The following MYCBP2 variants were observed in gnomAD, a reference collection of about 807,000 sequenced individuals.
MYCBP2 encodes MYC binding protein 2.
Under a neutral mutation model 525.3 loss-of-function variants are expected in MYCBP2, and 120 were observed. The observed-to-expected ratio is 0.23, with a 90% CI of 0.20 to 0.27. The LOEUF (loss-of-function observed/expected upper bound fraction) is 0.27. MYCBP2 is among the 10% of genes least tolerant of loss of function. The pLI is 1.00. For missense variants in MYCBP2, 4,149 were observed against 5,657.1 expected (o/e 0.73, Z 8.55); for synonymous variants, 1,894 against 1,955.8 (o/e 0.97, Z 0.83).
chr13:77,298,520 A>ACGGGTCGCTCCCACTC, intron 1 of MYCBP2, among the ~76,000 whole-genome samples: 1 of 152,344 alleles, frequency 6.6e-6, no homozygotes, highest in Non-Finnish European at 1.5e-5. Flanking sequence ...ATAGTACTCA[A>ACGGGTCGCTCCCACTC]CGAGTATTTT....
chr13:77,270,858 G>A (rs1052725883), intron 5 of MYCBP2, among the ~76,000 whole-genome samples: 1 of 151,326 alleles, frequency 6.6e-6, no homozygotes, highest in African/African-American at 2.4e-5. Context: ...TGTCATTCTC[G>A]ATCCATGTTT....
chr13:77,111,436 CTTT>C (rs779969571), intron 55 of MYCBP2, among the ~76,000 whole-genome samples: 7 of 137,084 alleles, frequency 5.1e-5, no homozygotes, highest in Admixed American at 7.4e-5. Flanking sequence ...ATGTCACTTC[CTTT>C]TTTTTTTTTT....
At chr13:77,178,010 C>T in intron 34 of MYCBP2, 56 bp from the exon 35 acceptor site, 1 of 1,045,922 alleles carries the variant, frequency 9.6e-7, no homozygotes, top group Non-Finnish European at 1.5e-6. Flanking sequence ...ACAAAACCAT[C>T]CAAAGGTTTC....
intron 40 of MYCBP2, among the ~76,000 whole-genome samples, chr13:77,167,497 C>T (rs1250021431): frequency 1.3e-5 from 2 of 151,968 alleles, no homozygotes; most frequent in East Asian, 3.9e-4. Context: ...GAGAGAGAGA[C>T]AGAGGGAGAC....
At chr13:77,269,449 A>C (rs1219613946) in intron 7 of MYCBP2, among the ~76,000 whole-genome samples, 1 of 152,196 alleles carries the variant, frequency 6.6e-6, no homozygotes, top group Non-Finnish European at 1.5e-5. Context: ...CAACCTGGCC[A>C]AAATGACAAA....
Position 77,098,858 on chromosome 13 carries a change from C to A in MYCBP2, c.8296G>T (p.Ala2766Ser). The change falls in exon 56 of 83, where the codon GCT becomes TCT. Residue 2766 changes from alanine (A) to serine (S), a missense_variant. Physicochemically the swap from Ala to Ser is moderately conservative, Grantham distance 99. Transcript: ENST00000544440. ...KKPRGTESLSASESLILKSDA... is the reference protein window; with the variant it reads ...KKPRGTESLSSSESLILKSDA... ...GATTTTAAGATGAGGGATTCACTAG[C>A]AGATAAACTTTCTGTGCCCCTTGGC... The A allele has an allele frequency of 6.2e-7, 1 of 1,613,630 alleles. No homozygotes were observed. Among genetic ancestry groups the A allele is most frequent in the Non-Finnish European group, 8.5e-7 (1 of 1,179,728 alleles).
At position 77,222,888 on chromosome 13, in the gene MYCBP2, A is replaced by G. The variant is rs2065789426; in HGVS notation, c.2939+1563T>C. ...AGGTAAGTTCTCTTTCTTTCACTGT[A>G]TGTAAAGGAGAAACCATAGAAGTCC... On this transcript the variant is annotated intron_variant, in intron 20 of 82. Transcript: ENST00000544440. 2.6e-5 allele frequency among the ~76,000 whole-genome samples: 4 copies of G among 152,170 alleles called. No homozygotes were observed. In the South Asian group the frequency reaches 8.3e-4, roughly 31 times the overall value.
At chr13:77,222,667 A>G (rs541160842) in intron 20 of MYCBP2, among the ~76,000 whole-genome samples, 1 of 152,168 alleles carries the variant, frequency 6.6e-6, no homozygotes, top group East Asian at 1.9e-4. Context: ...CTTTCAACAC[A>G]CACATCTCTC....
Position 77,057,097 on chromosome 13 carries a change from A to G in MYCBP2, c.13330-4T>C. ...GGAATATGTGACTACAATCCAGCTTAAATAAACAAAAGAAAAGGACATAAG... is the reference window on the plus strand; with the variant it reads ...GGAATATGTGACTACAATCCAGCTTGAATAAACAAAAGAAAAGGACATAAG... On this transcript the variant is annotated splice_region_variant and splice_polypyrimidine_tract_variant and intron_variant, in intron 78 of 82. Transcript: ENST00000544440. 6.3e-7 allele frequency: 1 copy of G among 1,597,524 alleles called. No individual in the cohort carries two copies. Among genetic ancestry groups the G allele is most frequent in the Non-Finnish European group, 8.6e-7 (1 of 1,165,306 alleles).
At chr13:77,166,670 A>C (rs2058551645) in intron 40 of MYCBP2, 116 bp from the exon 41 acceptor site, 1 of 580,284 alleles carries the variant, frequency 1.7e-6, no homozygotes, top group Non-Finnish European at 2.8e-6. Flanking sequence ...AACAGGATAA[A>C]GTACAAAATT....
At chr13:77,130,287 C>A (rs2052520649) in intron 52 of MYCBP2, among the ~76,000 whole-genome samples, 1 of 150,668 alleles carries the variant, frequency 6.6e-6, no homozygotes, top group South Asian at 2.1e-4. Flanking sequence ...AATTATAAGT[C>A]ATTTTAGATA....
Position 77,326,890 on chromosome 13 carries a change from C to A in MYCBP2, c.-115G>T. 1.0e-6 allele frequency: 1 copy of A among 1,001,304 alleles called. No individual in the cohort carries two copies. Among genetic ancestry groups the A allele is most frequent in the Non-Finnish European group, 1.3e-6 (1 of 749,314 alleles). The allele number at this position is 1,001,304 out of a possible 1,614,324, so 62.0% of individuals were successfully genotyped here. A position where few individuals can be genotyped will look rare whatever the true frequency, so the allele number is the denominator to read the frequency against. Reference sequence around the variant, plus strand: ...ACGGCTCCGGCGGCGGCCTCTGGCTCCCGCAGCAGGGAGACTACAAAGACA... The same window carrying A: ...ACGGCTCCGGCGGCGGCCTCTGGCTACCGCAGCAGGGAGACTACAAAGACA... On this transcript the variant is annotated 5_prime_UTR_variant, in exon 1 of 83. Transcript: ENST00000544440. The surrounding 1 kb of genome is among the most constrained non-coding windows in gnomAD (Gnocchi z 4.2).
chr13:77,323,895 T>G (rs1029398385), intron 1 of MYCBP2, among the ~76,000 whole-genome samples: 2 of 152,202 alleles, frequency 1.3e-5, no homozygotes, highest in Non-Finnish European at 2.9e-5. Flanking sequence ...CCTCTCCACC[T>G]GTCACCTTAA....
At chr13:77,228,854 G>A (rs1211126563) in intron 18 of MYCBP2, among the ~76,000 whole-genome samples, 3 of 151,628 alleles carry the variant, frequency 2.0e-5, no homozygotes, top group African/African-American at 7.3e-5. Context: ...GAAAAAAGAG[G>A]GTTCAGTATC....
intron 7 of MYCBP2, among the ~76,000 whole-genome samples, chr13:77,268,848 A>T (rs1474196028): frequency 6.6e-6 from 1 of 152,208 alleles, no homozygotes; most frequent in Non-Finnish European, 1.5e-5. Flanking sequence ...TTCTTCATGT[A>T]ACAATAGTAA....
intron 14 of MYCBP2, among the ~76,000 whole-genome samples, chr13:77,253,743 A>T (rs1431397137): frequency 6.6e-6 from 1 of 152,018 alleles, no homozygotes; most frequent in African/African-American, 2.4e-5. Context: ...ACAAATAAAA[A>T]ATTACAGTAT....
rs181652114 is a variant in MYCBP2, at chr13:77,201,458, C to G, written c.3843+3798G>C. Among the ~76,000 whole-genome samples, 548 of 152,106 alleles carry G rather than the reference C, an allele frequency of 3.6e-3. 1 individual carries two copies. The highest frequency in any genetic ancestry group is 6.1e-3 in the Non-Finnish European group (416 of 67,994). On this transcript the variant is annotated intron_variant, in intron 26 of 82. Transcript: ENST00000544440. ...CATTAATAAAGGGAGACTTTAACAC[C>G]CCACTGTCAACATCAGACAGATCAA...
At chr13:77,153,970 C>T (rs1379036385) in intron 46 of MYCBP2, among the ~76,000 whole-genome samples, 1 of 152,100 alleles carries the variant, frequency 6.6e-6, no homozygotes, top group African/African-American at 2.4e-5. Flanking sequence ...AAAATTATAA[C>T]AATAACACTT....
At chr13:77,186,832 G>A (rs2060773836) in intron 30 of MYCBP2, among the ~76,000 whole-genome samples, 1 of 132,890 alleles carries the variant, frequency 7.5e-6, no homozygotes, top group African/African-American at 2.7e-5. Context: ...TTGAGATAGA[G>A]TCTTCCTCTA....
Sources: gnomAD v4.1 joint callset for allele counts (sites outside exome capture counted in the v4.1 genomes callset) on GRCh38, gnomAD v4.1.1 for gene constraint, Gnocchi (gnomAD v3.1) non-coding constraint, MANE v1.5 for transcripts, NCBI Gene and HGNC (gene_info 2026-07-23, HGNC 2026-07-21) for gene names.